DCK: variants seen among roughly 807,000 people sequenced by gnomAD.
DCK encodes deoxycytidine kinase.
DCK carries 23 observed loss-of-function variants against 38.3 expected under a neutral mutation model. The ratio of observed to expected loss-of-function variants is 0.60; its 90% CI spans 0.43 to 0.85. The LOEUF (loss-of-function observed/expected upper bound fraction) is 0.85. DCK is among the 40% of genes least tolerant of loss of function. The probability of loss-of-function intolerance (pLI) is 0.00; values close to 1 mark genes in which losing one functional copy is unlikely to be tolerated. For synonymous variants in DCK, 108 were observed against 100.6 expected, an observed-to-expected ratio of 1.07 and a Z score of -0.44; for missense variants, 259 against 304.4, an observed-to-expected ratio of 0.85 and a Z score of 1.11.
intron 1 of DCK, among the ~76,000 whole-genome samples, chr4:70,996,468 A>T (rs1157612031): frequency 1.3e-5 from 2 of 152,170 alleles, no homozygotes; most frequent in African/African-American, 4.8e-5. Context: ...ATCTGTTAAC[A>T]CCGGGCCTGC....
chr4:71,001,158 T>TCC (rs2148912563), intron 2 of DCK, among the ~76,000 whole-genome samples: 2 of 152,282 alleles, frequency 1.3e-5, no homozygotes, highest in East Asian at 3.9e-4. Context: ...GAGATACATT[T>TCC]CATCAATACC....
chr4:70,994,162 G>A lies in DCK; in HGVS notation c.91+236G>A, dbSNP rs1739607131. On this transcript the variant is annotated intron_variant, in intron 1 of 6. Transcript: ENST00000286648. ...GGCGCCAGGCCTGCGGTCTCTGTGA[G>A]GCGCGCTTTGAACCTCTGCTCCCTC... 2.6e-5 allele frequency: 15 copies of A among 580,790 alleles called. 1 individual carries two copies. The East Asian group carries it at 4.4e-4, about 17-fold the overall frequency. The allele number at this position is 580,790 out of a possible 1,614,324, so 36.0% of individuals were successfully genotyped here.
In DCK at chr4:71,030,211, CACACTT is replaced by C. The variant is rs571373819; in HGVS notation, c.*835_*840del. ...AGAAAGCATCCATTAATTAATGAGA[CACACTT>C]AACTACTTATCTCTAAACCATCTAT... On this transcript the variant is annotated 3_prime_UTR_variant, in exon 7 of 7. Transcript: ENST00000286648. 75 of 152,610 alleles carry C rather than the reference CACACTT, an allele frequency of 4.9e-4. No individual in the cohort carries two copies. The highest frequency in any genetic ancestry group is 1.7e-3 in the African/African-American group (72 of 41,528). The allele number at this position is 152,610 out of a possible 1,614,324, so 9.5% of individuals were successfully genotyped here. A position where few individuals can be genotyped will look rare whatever the true frequency, so the allele number is the denominator to read the frequency against.
At chr4:71,028,726 G>A (rs1310195332) in intron 6 of DCK, 1 of 386,764 alleles carries the variant, frequency 2.6e-6, no homozygotes, top group South Asian at 1.8e-5. Context: ...CTAAGTAGGT[G>A]GGATTACAAG....
chr4:71,000,517 TC>T (rs1739777116), intron 2 of DCK, among the ~76,000 whole-genome samples: 1 of 152,192 alleles, frequency 6.6e-6, no homozygotes, highest in African/African-American at 2.4e-5. Context: ...CTTTTTTGGT[TC>T]CATATGAAAT....
chr4:71,023,712 AC>A lies in DCK; in HGVS notation c.549+9del, dbSNP rs757688428. The A allele has an allele frequency of 3.1e-6, 5 of 1,598,884 alleles. No homozygotes were observed. Among genetic ancestry groups the A allele is most frequent in the Non-Finnish European group, 4.3e-6 (5 of 1,175,646 alleles). ...ATCTTCAAGCCACTCCAGAGGTAAA[AC>A]CCAATAAAAATGTGTTTCACTGAAA... On this transcript the variant is annotated splice_region_variant and intron_variant, in intron 4 of 6. Coordinates refer to ENST00000286648, the MANE Select transcript of DCK (RefSeq NM_000788.3).
chr4:71,027,562 T>G (rs1219301639), intron 6 of DCK, among the ~76,000 whole-genome samples: 1 of 152,170 alleles, frequency 6.6e-6, no homozygotes, highest in African/African-American at 2.4e-5. Context: ...TTGGTTTAGT[T>G]TTGAGAAAAA....
intron 2 of DCK, among the ~76,000 whole-genome samples, chr4:71,018,697 A>G (rs1196260200): frequency 7.5e-6 from 1 of 132,474 alleles, no homozygotes; most frequent in African/African-American, 2.9e-5. Flanking sequence ...TTGAGACAAG[A>G]GTCTTGCTCT....
chr4:70,998,869 G>A (rs760022641), intron 2 of DCK, among the ~76,000 whole-genome samples: 6 of 151,658 alleles, frequency 4.0e-5, no homozygotes, highest in Non-Finnish European at 7.4e-5. Context: ...GTTGCAGTGA[G>A]CTGAGATGGC....
intron 1 of DCK, among the ~76,000 whole-genome samples, chr4:70,997,207 A>G (rs1403518411): frequency 6.6e-6 from 1 of 152,046 alleles, no homozygotes; most frequent in African/African-American, 2.4e-5. Flanking sequence ...CTTGGGTGCT[A>G]TTTCTGAACA....
At chr4:71,011,245 T>G (rs1412766082) in intron 2 of DCK, among the ~76,000 whole-genome samples, 1 of 150,798 alleles carries the variant, frequency 6.6e-6, no homozygotes, top group Non-Finnish European at 1.5e-5. Flanking sequence ...TTTTTTTTTT[T>G]TTTTTTTTTT....
intron 2 of DCK, among the ~76,000 whole-genome samples, chr4:71,014,055 A>G (rs1276357623): frequency 6.6e-6 from 1 of 152,232 alleles, no homozygotes; most frequent in Non-Finnish European, 1.5e-5. Context: ...TAGGCTCAAA[A>G]TAAAGGGATG....
chr4:71,012,810 T>C (rs1361864135), intron 2 of DCK, among the ~76,000 whole-genome samples: 1 of 151,812 alleles, frequency 6.6e-6, no homozygotes, highest in Non-Finnish European at 1.5e-5. Flanking sequence ...ACCACAAAGA[T>C]AGGGAAAAAC....
In DCK at chr4:71,029,650, G is replaced by A; in HGVS notation, c.*272G>A. 3.0e-6 allele frequency: 1 copy of A among 336,440 alleles called. No individual in the cohort carries two copies. The highest frequency in any genetic ancestry group is 5.4e-6 in the Non-Finnish European group (1 of 186,080). The allele number at this position is 336,440 out of a possible 1,614,324, so 20.8% of individuals were successfully genotyped here. ...TAGATGGTTCCAGTATCAGCATAGT[G>A]ACTAAACTACATTATAAAAGATCCA... On this transcript the variant is annotated 3_prime_UTR_variant, in exon 7 of 7. Transcript: ENST00000286648.
intron 2 of DCK, among the ~76,000 whole-genome samples, chr4:71,004,175 T>G (rs1283398856): frequency 6.6e-6 from 1 of 152,208 alleles, no homozygotes; most frequent in Non-Finnish European, 1.5e-5. Flanking sequence ...GTTGATGCTA[T>G]TGCTTTTTGT....
In DCK at chr4:71,016,365, A is replaced by C. The variant is rs565128289; in HGVS notation, c.208-6002A>C. ...TGAAAATGGCCATACTGCCCAAGGT[A>C]ATTTATAGATTCAATGCCATCCCCA... On this transcript the variant is annotated intron_variant, in intron 2 of 6. Transcript: ENST00000286648. Among the ~76,000 whole-genome samples the C allele has an allele frequency of 9.8e-4, 149 of 152,332 alleles. 3 individuals carry two copies. Among genetic ancestry groups the C allele is most frequent in the Non-Finnish European group, 1.4e-3 (96 of 68,036 alleles).
At chr4:71,027,394 A>G (rs1385986) in intron 6 of DCK, among the ~76,000 whole-genome samples, 122,814 of 151,964 alleles carry the variant, frequency 0.81, 54,252 homozygotes, top group Non-Finnish European at 0.97. Flanking sequence ...GGAGTTGACT[A>G]TATTCTGTTA....
intron 2 of DCK, among the ~76,000 whole-genome samples, chr4:71,002,544 A>G (rs1739832732): frequency 6.6e-6 from 1 of 151,406 alleles, no homozygotes; most frequent in Admixed American, 6.6e-5. Flanking sequence ...TGTTGATCTA[A>G]TATTGACAGT....
intron 6 of DCK, among the ~76,000 whole-genome samples, chr4:71,029,006 C>G (rs1214681125): frequency 6.6e-6 from 1 of 152,192 alleles, no homozygotes; most frequent in African/African-American, 2.4e-5. Flanking sequence ...ATCTGCCCGC[C>G]TCGGCCTCCC....
Sources: allele counts gnomAD v4.1 joint callset (sites outside exome capture counted in the v4.1 genomes callset), GRCh38; gene constraint gnomAD v4.1.1; transcripts MANE v1.5; gene names NCBI Gene and HGNC (gene_info 2026-07-23, HGNC 2026-07-21).